The following RNF169 variants were observed in gnomAD, a reference collection of about 807,000 sequenced individuals.
RNF169 encodes ring finger protein 169.
A neutral mutation model predicts 53.9 loss-of-function variants in RNF169; 24 were observed. That is an observed-to-expected ratio of 0.45 (90% CI 0.32 to 0.63). RNF169 has a LOEUF of 0.63. Among genes scored for constraint, RNF169 ranks in the 20% least tolerant of loss-of-function variants. RNF169 has a pLI of 0.04. For synonymous variants in RNF169, 396 were observed against 363.5 expected (o/e 1.09, Z -1.02); for missense variants, 883 against 906.2 (o/e 0.97, Z 0.33).
intron 1 of RNF169, among the ~76,000 whole-genome samples, chr11:74,760,556 A>G (rs1398356112): frequency 6.6e-6 from 1 of 151,672 alleles, no homozygotes; most frequent in Non-Finnish European, 1.5e-5. Flanking sequence ...GTCTGCCTTC[A>G]TTTCGTTATG....
chr11:74,764,941 C>G (rs537026025), intron 1 of RNF169, among the ~76,000 whole-genome samples: 19 of 152,120 alleles, frequency 1.2e-4, no homozygotes, highest in Non-Finnish European at 2.1e-4. Context: ...AGACTGGACA[C>G]GGTGGTTCAT....
chr11:74,818,073 A>G (rs1452576644), intron 4 of RNF169, among the ~76,000 whole-genome samples: 1 of 152,202 alleles, frequency 6.6e-6, no homozygotes, highest in African/African-American at 2.4e-5. Context: ...TTTCTTTTCA[A>G]TGCCTAGACC....
At chr11:74,756,393 A>G (rs747023918) in intron 1 of RNF169, among the ~76,000 whole-genome samples, 25 of 152,214 alleles carry the variant, frequency 1.6e-4, no homozygotes, top group Non-Finnish European at 3.1e-4. Context: ...TTATAGCTGT[A>G]TGTTATTGGA....
chr11:74,836,666 G>A lies in RNF169; in HGVS notation c.2063G>A (p.Ser688Asn), dbSNP rs1278124313. 3 of 1,613,618 alleles carry A rather than the reference G, an allele frequency of 1.9e-6. No homozygotes were observed. Among genetic ancestry groups the A allele is most frequent in the African/African-American group, 1.3e-5 (1 of 74,938 alleles). Reference sequence around the variant, plus strand: ...TTCGACAATGAGAGGCGGACTGTGAGCCGGCGAAAAGGAAGTGTGGATCAG... The same window carrying A: ...TTCGACAATGAGAGGCGGACTGTGAACCGGCGAAAAGGAAGTGTGGATCAG... The part of the protein sequence containing the change: ...RMFDNERRTV[S>N]RRKGSVDQYL... Residue 688 changes from serine to asparagine, a missense_variant, in exon 6 of 6, where the codon AGC (serine) becomes AAC (asparagine). Coordinates refer to ENST00000299563, the MANE Select transcript of RNF169 (RefSeq NM_001098638.2).
intron 3 of RNF169, among the ~76,000 whole-genome samples, chr11:74,814,134 A>G (rs2035912017): frequency 6.6e-6 from 1 of 151,996 alleles, no homozygotes; most frequent in African/African-American, 2.4e-5. Flanking sequence ...CAGCCTGACC[A>G]ACATGGCAAA....
At chr11:74,821,327 G>A (rs898320262) in intron 4 of RNF169, among the ~76,000 whole-genome samples, 1 of 152,170 alleles carries the variant, frequency 6.6e-6, no homozygotes, top group Admixed American at 6.5e-5. Context: ...TTTTGGAATA[G>A]AGCTATGGAA....
chr11:74,827,893 G>A (rs775194043), intron 4 of RNF169, among the ~76,000 whole-genome samples: 1 of 152,158 alleles, frequency 6.6e-6, no homozygotes, highest in Non-Finnish European at 1.5e-5. Flanking sequence ...ATGGGCAAAA[G>A]CTGGAAGCAT....
rs1277183675 is a variant in RNF169, at chr11:74,837,021, A to C, written c.*291A>C. 1.8e-5 allele frequency: 5 copies of C among 284,012 alleles called. No homozygotes were observed. The Admixed American group carries it at 1.9e-4, about 11-fold the overall frequency. The allele number at this position is 284,012 out of a possible 1,614,324, so 17.6% of individuals were successfully genotyped here. On this transcript the variant is annotated 3_prime_UTR_variant, in exon 6 of 6. Transcript: ENST00000299563. The stretch of plus-strand genomic sequence containing the variant: ...CCTCAGGAGCATAATGGCCACAGTT[A>C]GTAATGGTAAAGAGGGGATACCTTC...
intron 1 of RNF169, among the ~76,000 whole-genome samples, chr11:74,778,734 A>G (rs888039593): frequency 2.0e-5 from 3 of 152,232 alleles, no homozygotes; most frequent in African/African-American, 7.2e-5. Flanking sequence ...TCAACTCAAA[A>G]GTCAGGACCT....
chr11:74,804,007 A>G (rs2035769727), intron 2 of RNF169, among the ~76,000 whole-genome samples: 1 of 152,208 alleles, frequency 6.6e-6, no homozygotes, highest in Non-Finnish European at 1.5e-5. Context: ...GTTCAACATC[A>G]TTTCATTATG....
intron 1 of RNF169, among the ~76,000 whole-genome samples, chr11:74,785,835 C>A (rs1315265): frequency 0.26 from 40,124 of 151,984 alleles, 5,530 homozygotes; most frequent in South Asian, 0.42. Context: ...TGAGTTCCTC[C>A]TTGGTCTTAT....
chr11:74,774,805 C>T (rs1235518457), intron 1 of RNF169, among the ~76,000 whole-genome samples: 2 of 151,532 alleles, frequency 1.3e-5, no homozygotes, highest in Non-Finnish European at 2.9e-5. Flanking sequence ...AAAATACAAA[C>T]AAAATTAGCC....
chr11:74,835,922 A>T lies in RNF169; in HGVS notation c.1319A>T (p.Glu440Val), dbSNP rs748540627. The change falls in exon 6 of 6, where the codon GAG becomes GTG. Residue 440 changes from glutamate (E) to valine (V), a missense_variant. By Grantham distance (121) the Glu-to-Val change is moderately radical. Around this residue, in one of 3 missense-constraint regions of RNF169, gnomAD observed 351 missense variants for 337.3 expected, o/e 1.04. Coordinates refer to ENST00000299563, the MANE Select transcript of RNF169 (RefSeq NM_001098638.2). The stretch of plus-strand genomic sequence containing the variant: ...AAAAAGTGGGAACAGATCTTTCAGG[A>T]GCGGCAGATCAAAAAGACCCTTTCA... ...ILKKWEQIFQ[E>V]RQIKKTLSKA... The T allele has an allele frequency of 1.3e-5, 21 of 1,614,190 alleles. No homozygotes were observed. Among genetic ancestry groups the T allele is most frequent in the Non-Finnish European group, 1.8e-5 (21 of 1,180,038 alleles).
intron 4 of RNF169, among the ~76,000 whole-genome samples, chr11:74,823,594 G>A (rs1046508987): frequency 2.0e-5 from 3 of 151,918 alleles, no homozygotes; most frequent in African/African-American, 4.8e-5. Context: ...AAAATCAGCC[G>A]AGCATAGTGA....
intron 1 of RNF169, among the ~76,000 whole-genome samples, chr11:74,767,741 T>C (rs2035196171): frequency 6.6e-6 from 1 of 151,868 alleles, no homozygotes; most frequent in South Asian, 2.1e-4. Context: ...GGCTAATTTT[T>C]TGTATTTTTT....
intron 1 of RNF169, among the ~76,000 whole-genome samples, chr11:74,772,181 TA>T (rs34827972): frequency 0.34 from 52,229 of 152,026 alleles, 10,974 homozygotes; most frequent in African/African-American, 0.6. Flanking sequence ...TGGTCTTTTT[TA>T]AAAAAATCAC....
At chr11:74,751,958 G>A (rs2034902339) in intron 1 of RNF169, among the ~76,000 whole-genome samples, 2 of 152,078 alleles carry the variant, frequency 1.3e-5, no homozygotes, top group Non-Finnish European at 2.9e-5. Flanking sequence ...CTTTGGCCAG[G>A]CGCGGTGGCT....
At chr11:74,772,801 G>A (rs2035279345) in intron 1 of RNF169, among the ~76,000 whole-genome samples, 1 of 152,186 alleles carries the variant, frequency 6.6e-6, no homozygotes, top group Non-Finnish European at 1.5e-5. Flanking sequence ...GAATAGAATA[G>A]ATACTAGCAT....
intron 4 of RNF169, among the ~76,000 whole-genome samples, chr11:74,821,637 G>A (rs1412082445): frequency 1.9e-5 from 1 of 53,362 alleles, no homozygotes; most frequent in Admixed American, 2.2e-4. Flanking sequence ...CAGCCTGGGC[G>A]ACAGAGCGAG....
Sources: allele counts gnomAD v4.1 joint callset (sites outside exome capture counted in the v4.1 genomes callset), GRCh38; gene constraint gnomAD v4.1.1; regional missense constraint gnomAD v4.1.1; transcripts MANE v1.5; gene names NCBI Gene and HGNC (gene_info 2026-07-23, HGNC 2026-07-21).